MECOM: variants seen among roughly 807,000 people sequenced by gnomAD.
MECOM encodes the protein MDS1 and EVI1 complex locus, also known as histone-lysine N-methyltransferase MECOM.
Under a neutral mutation model 116.3 loss-of-function variants are expected in MECOM, and 13 were observed. The observed-to-expected ratio is 0.11, with a 90% CI of 0.07 to 0.18. MECOM has a LOEUF of 0.18. Ranked by LOEUF, MECOM falls within the 10% of genes least tolerant of loss-of-function variation. The pLI, the probability that MECOM is intolerant of heterozygous loss-of-function variation, is 1.00. For missense variants in MECOM, 1,299 were observed against 1,509.0 expected, an observed-to-expected ratio of 0.86 and a Z score of 2.31; for synonymous variants, 528 against 535.2, an observed-to-expected ratio of 0.99 and a Z score of 0.19.
chr3:169,594,154 C>CAAAAAAAAAA (rs34331048), intron 1 of MECOM, among the ~76,000 whole-genome samples: 8 of 45,704 alleles, frequency 1.8e-4, no homozygotes, highest in African/African-American at 4.8e-4. Flanking sequence ...ACCACCACCA[C>CAAAAAAAAAA]AAAAAAAAAA....
At chr3:169,153,551 T>C (rs1741484742) in intron 2 of MECOM, among the ~76,000 whole-genome samples, 1 of 152,210 alleles carries the variant, frequency 6.6e-6, no homozygotes. Context: ...TTTATTAATT[T>C]TAATTAATTC....
intron 1 of MECOM, among the ~76,000 whole-genome samples, chr3:169,428,997 T>C (rs534720065): frequency 6.6e-6 from 1 of 151,378 alleles, no homozygotes; most frequent in Admixed American, 6.6e-5. Context: ...AAGCCAAAAA[T>C]ATATGAATGT....
At chr3:169,602,019 C>G (rs1767892344) in intron 1 of MECOM, among the ~76,000 whole-genome samples, 1 of 152,140 alleles carries the variant, frequency 6.6e-6, no homozygotes, top group African/African-American at 2.4e-5. Flanking sequence ...AAGAGGAACC[C>G]ATTAATTACC....
chr3:169,306,543 G>T (rs570071240), intron 2 of MECOM, among the ~76,000 whole-genome samples: 1 of 152,208 alleles, frequency 6.6e-6, no homozygotes, highest in South Asian at 2.1e-4. Context: ...TTAGCTGGAC[G>T]TGGTGGTGGG....
chr3:169,384,513 T>TA (rs1270036058), intron 1 of MECOM, among the ~76,000 whole-genome samples: 1 of 152,326 alleles, frequency 6.6e-6, no homozygotes, highest in South Asian at 2.1e-4. Context: ...TAAAAACCTA[T>TA]AAAAACATCT....
intron 2 of MECOM, among the ~76,000 whole-genome samples, chr3:169,372,535 G>C (rs1340857678): frequency 2.0e-5 from 3 of 151,924 alleles, no homozygotes; most frequent in African/African-American, 7.2e-5. Context: ...AACCAACCCA[G>C]AGTCAAATAA....
intron 2 of MECOM, among the ~76,000 whole-genome samples, chr3:169,269,731 C>T (rs982927457): frequency 4.6e-5 from 7 of 152,148 alleles, no homozygotes; most frequent in African/African-American, 1.4e-4. Context: ...ATCTCTGGCA[C>T]CCAAGTATGT....
intron 2 of MECOM, among the ~76,000 whole-genome samples, chr3:169,347,717 A>C (rs1725609355): frequency 6.6e-6 from 1 of 152,078 alleles, no homozygotes. Flanking sequence ...AATGTAGATG[A>C]GTTCACTTTG....
chr3:169,575,018 T>C (rs1042205989), intron 1 of MECOM, among the ~76,000 whole-genome samples: 6 of 151,974 alleles, frequency 3.9e-5, no homozygotes, highest in Non-Finnish European at 8.8e-5. Flanking sequence ...AAGCAGAATA[T>C]CGCTAAAAAA....
At chr3:169,362,913 A>G (rs185067915) in intron 2 of MECOM, among the ~76,000 whole-genome samples, 1 of 152,038 alleles carries the variant, frequency 6.6e-6, no homozygotes, top group Admixed American at 6.6e-5. Flanking sequence ...TCCACATTTA[A>G]CTAGCACATT....
intron 2 of MECOM, among the ~76,000 whole-genome samples, chr3:169,245,688 T>C (rs1302962795): frequency 1.3e-5 from 2 of 152,208 alleles, no homozygotes; most frequent in Non-Finnish European, 2.9e-5. Context: ...ATATGCTCTG[T>C]TATAGAAATA....
At chr3:169,378,125 G>A (rs1296559561) in intron 2 of MECOM, among the ~76,000 whole-genome samples, 2 of 151,286 alleles carry the variant, frequency 1.3e-5, no homozygotes, top group Non-Finnish European at 2.9e-5. Flanking sequence ...TGAACAATGA[G>A]AACACATGGA....
chr3:169,608,386 G>A (rs963915155), intron 1 of MECOM, among the ~76,000 whole-genome samples: 1 of 152,200 alleles, frequency 6.6e-6, no homozygotes, highest in Non-Finnish European at 1.5e-5. Context: ...GCTGATCAGA[G>A]TGGCCTTGAA....
intron 2 of MECOM, chr3:169,145,205 T>C (rs1739490034): frequency 1.8e-6 from 1 of 553,130 alleles, no homozygotes; most frequent in Non-Finnish European, 3.1e-6. Flanking sequence ...GAAATCAAAC[T>C]CTTCTTTTTC....
chr3:169,342,164 C>T (rs1002984528), intron 2 of MECOM, among the ~76,000 whole-genome samples: 2 of 151,948 alleles, frequency 1.3e-5, no homozygotes, highest in Non-Finnish European at 2.9e-5. Context: ...CTTATGCTGT[C>T]ATATATTACA....
chr3:169,586,386 T>C (rs1337407989), intron 1 of MECOM, among the ~76,000 whole-genome samples: 3 of 152,228 alleles, frequency 2.0e-5, no homozygotes, highest in Non-Finnish European at 4.4e-5. Context: ...ATAATTTCTT[T>C]ATTGCCTTGG....
At chr3:169,279,791 C>CT (rs200841403) in intron 2 of MECOM, among the ~76,000 whole-genome samples, 4,019 of 152,102 alleles carry the variant, frequency 0.026, 79 homozygotes, top group Non-Finnish European at 0.045. Flanking sequence ...GTTTTGTTTT[C>CT]TTTTTTTAAC....
At chr3:169,372,622 G>T (rs924638810) in intron 2 of MECOM, among the ~76,000 whole-genome samples, 81 of 151,992 alleles carry the variant, frequency 5.3e-4, no homozygotes, top group African/African-American at 1.8e-3. Context: ...AAAATCAATC[G>T]ATAAAATATA....
chr3:169,102,133 A>C lies in MECOM; in HGVS notation c.2698T>G (p.Phe900Val). ...SELLQSVPSM[F>V]NFRAPPNALP... ...GCATTGGGAGGCGCCCTGAAGTTGA[A>C]CATAGAGGGCACTGACTGTAAGAGC... is the stretch of plus-strand genomic sequence containing the variant. The change falls in exon 11 of 17, where the codon TTC becomes GTC. Residue 900 changes from phenylalanine (F) to valine (V), a missense_variant. Transcript: ENST00000651503. 1 of 1,613,952 alleles carries C rather than the reference A, an allele frequency of 6.2e-7. No individual in the cohort carries two copies. The highest frequency in any genetic ancestry group is 8.5e-7 in the Non-Finnish European group (1 of 1,179,914).
Sources: allele counts gnomAD v4.1 joint callset (sites outside exome capture counted in the v4.1 genomes callset), GRCh38; gene constraint gnomAD v4.1.1; transcripts MANE v1.5; gene names NCBI Gene and HGNC (gene_info 2026-07-23, HGNC 2026-07-21).